DMD: variants seen among roughly 807,000 people sequenced by gnomAD.
The protein encoded by DMD is mutant dystrophin.
A neutral mutation model predicts 330.1 loss-of-function variants in DMD; 63 were observed. The observed-to-expected ratio is 0.19, with a 90% CI of 0.16 to 0.24. The LOEUF is 0.24. DMD is among the 10% of genes least tolerant of loss of function. The pLI is 1.00. For missense variants in DMD, 3,344 were observed against 2,684.1 expected (o/e 1.25, Z -5.43); for synonymous variants, 1,223 against 959.8 (o/e 1.27, Z -5.07).
At chrX:32,307,197 G>C (rs1045464665) in intron 42 of DMD, among the ~76,000 whole-genome samples, 1 of 111,395 alleles carries the variant, frequency 9.0e-6, no homozygotes, top group African/African-American at 3.3e-5. Flanking sequence ...AGTAAAGTGT[G>C]TGTAAGGTAG....
chrX:32,457,985 C>T (rs1282794737), intron 25 of DMD, among the ~76,000 whole-genome samples: 1 of 110,938 alleles, frequency 9.0e-6, no homozygotes, highest in Non-Finnish European at 1.9e-5. Context: ...TTCTATCTAA[C>T]AAACATGTAC....
At chrX:32,542,860 C>A (rs1453584820) in intron 17 of DMD, among the ~76,000 whole-genome samples, 1 of 111,929 alleles carries the variant, frequency 8.9e-6, no homozygotes, top group Non-Finnish European at 1.9e-5. Context: ...CCGTCCAAAT[C>A]AGGACACACT....
intron 16 of DMD, among the ~76,000 whole-genome samples, chrX:32,545,968 G>C (rs951030773): frequency 3.7e-5 from 4 of 108,835 alleles, no homozygotes; most frequent in African/African-American, 1.3e-4. Context: ...ACTCTTGTTT[G>C]ATTTAAATTA....
At chrX:31,442,292 G>C (rs2065007142) in intron 60 of DMD, among the ~76,000 whole-genome samples, 1 of 111,658 alleles carries the variant, frequency 9.0e-6, no homozygotes, top group Non-Finnish European at 1.9e-5. Context: ...AATTAAAGCT[G>C]AGAGAGGTTA....
intron 44 of DMD, among the ~76,000 whole-genome samples, chrX:31,986,613 T>C (rs958641084): frequency 1.8e-5 from 2 of 111,506 alleles, no homozygotes; most frequent in Admixed American, 9.5e-5. Context: ...GGATTCACCA[T>C]GTTGGCCAGG....
chrX:32,382,856 A>G (rs745987031), intron 33 of DMD, among the ~76,000 whole-genome samples: 1 of 110,689 alleles, frequency 9.0e-6, no homozygotes. Flanking sequence ...AGCTAAATAC[A>G]TTTTTAAAAA....
intron 11 of DMD, among the ~76,000 whole-genome samples, chrX:32,631,039 T>C (rs749856923): frequency 8.9e-6 from 1 of 112,276 alleles, no homozygotes; most frequent in East Asian, 2.8e-4. Flanking sequence ...CAGCCATATA[T>C]GCACTGGGGT....
rs1411394719 is a variant in DMD, at chrX:31,550,912, G to A, written c.8218-43459C>T. ...AGTTCTTTATTGGGCTGGGCGTGGT[G>A]GCTCATGCCTGTAATCCCAGGACTT... On this transcript the variant is annotated intron_variant, in intron 55 of 78. Transcript: ENST00000357033. Among the ~76,000 whole-genome samples the A allele has an allele frequency of 3.6e-5, 4 of 112,027 alleles. No individual in the cohort carries two copies. The Admixed American group carries it at 3.8e-4, about 11-fold the overall frequency.
chrX:32,287,180 C>T (rs916726686), intron 43 of DMD, among the ~76,000 whole-genome samples: 7 of 111,407 alleles, frequency 6.3e-5, no homozygotes, highest in Non-Finnish European at 1.1e-4. Context: ...ATCTAAGTAT[C>T]AAACTCCTAT....
chrX:31,750,603 T>C (rs1170927538), intron 51 of DMD, among the ~76,000 whole-genome samples: 1 of 110,789 alleles, frequency 9.0e-6, no homozygotes, highest in Non-Finnish European at 1.9e-5. Context: ...GGATGCCCTC[T>C]CTCACCACTC....
At chrX:31,985,192 T>C (rs891744520) in intron 44 of DMD, among the ~76,000 whole-genome samples, 9 of 112,189 alleles carry the variant, frequency 8.0e-5, no homozygotes, top group African/African-American at 2.6e-4. Context: ...TATTACCTTC[T>C]GCCATTCCTA....
At chrX:32,934,770 T>G (rs980365097) in intron 2 of DMD, among the ~76,000 whole-genome samples, 4 of 112,361 alleles carry the variant, frequency 3.6e-5, no homozygotes, top group Non-Finnish European at 3.8e-5. Flanking sequence ...CACTCTTTTG[T>G]ACCCCTCCCT....
intron 44 of DMD, among the ~76,000 whole-genome samples, chrX:32,046,014 G>T (rs927793544): frequency 8.9e-6 from 1 of 112,004 alleles, no homozygotes; most frequent in African/African-American, 3.2e-5. Context: ...AAAGGGGCAA[G>T]CAAAGGAAAT....
chrX:32,523,733 C>T (rs1223632688), intron 17 of DMD, among the ~76,000 whole-genome samples: 1 of 111,330 alleles, frequency 9.0e-6, no homozygotes, highest in African/African-American at 3.3e-5. Context: ...ATGCTTTTCT[C>T]TTGTTAACCT....
intron 21 of DMD, 60 bp downstream of exon 21, chrX:32,484,859 T>C: frequency 9.0e-7 from 1 of 1,114,162 alleles, no homozygotes; most frequent in Non-Finnish European, 1.2e-6. Context: ...CCTTCTGGAT[T>C]TCCCCACAAA....
chrX:32,307,232 C>T (rs1342981282), intron 42 of DMD, among the ~76,000 whole-genome samples: 2 of 111,234 alleles, frequency 1.8e-5, no homozygotes, highest in South Asian at 7.5e-4. Context: ...GAAATGTATC[C>T]TATGAGGCAG....
chrX:31,341,561 T>C (rs1159317664), intron 61 of DMD, among the ~76,000 whole-genome samples: 1 of 111,431 alleles, frequency 9.0e-6, no homozygotes, highest in South Asian at 3.8e-4. Context: ...GTAAATCAAC[T>C]TAGGATGGCC....
intron 16 of DMD, among the ~76,000 whole-genome samples, chrX:32,551,709 C>A (rs184018694): frequency 1.8e-5 from 2 of 111,009 alleles, no homozygotes; most frequent in South Asian, 3.8e-4. Flanking sequence ...TGTTTGCAGA[C>A]GATGAGGTTC....
chrX:31,509,652 C>A (rs1239537205), intron 55 of DMD, among the ~76,000 whole-genome samples: 1 of 112,063 alleles, frequency 8.9e-6, no homozygotes, highest in Non-Finnish European at 1.9e-5. Flanking sequence ...CCAACACTTT[C>A]TTTGTCTTCT....
Sources: allele counts gnomAD v4.1 joint callset (sites outside exome capture counted in the v4.1 genomes callset), GRCh38; gene constraint gnomAD v4.1.1; transcripts MANE v1.5; gene names NCBI Gene and HGNC (gene_info 2026-07-23, HGNC 2026-07-21).